The following CYP3A5 variants were observed in gnomAD, a reference collection of about 807,000 sequenced individuals.
The protein encoded by CYP3A5 is cytochrome P450 family 3 subfamily A member 5, also known as cytochrome P450 3A5.
A neutral mutation model predicts 55.9 loss-of-function variants in CYP3A5; 51 were observed. The observed-to-expected ratio is 0.91, with a 90% CI of 0.73 to 1.15. The LOEUF (loss-of-function observed/expected upper bound fraction) is 1.15. Ranked by LOEUF, CYP3A5 falls within the 50% of genes most tolerant of loss-of-function variation. The pLI is 0.00. For synonymous variants in CYP3A5, 196 were observed against 213.9 expected, an observed-to-expected ratio of 0.92 and a Z score of 0.73; for missense variants, 533 against 596.6, an observed-to-expected ratio of 0.89 and a Z score of 1.11.
At chr7:99,676,073 T>C in intron 2 of CYP3A5, 42 bp downstream of exon 2, 1 of 1,565,456 alleles carries the variant, frequency 6.4e-7, no homozygotes, top group Non-Finnish European at 8.8e-7. Context: ...AAGCTGATGT[T>C]TGCAACCATA....
chr7:99,678,222 C>T (rs540800669), intron 1 of CYP3A5, among the ~76,000 whole-genome samples: 3 of 152,190 alleles, frequency 2.0e-5, no homozygotes, highest in Non-Finnish European at 4.4e-5. Context: ...AGATGGTGCC[C>T]CTGTGTCCAG....
intron 8 of CYP3A5, chr7:99,663,125 C>A: frequency 8.1e-7 from 1 of 1,230,062 alleles, no homozygotes. Context: ...TTTGCCCTCC[C>A]TGTTTCTCAT....
Position 99,653,097 on chromosome 7 carries a change from C to T in CYP3A5, c.1027-318G>A, listed in dbSNP as rs1809349515. On this transcript the variant is annotated intron_variant, in intron 10 of 12. Coordinates refer to ENST00000222982, the MANE Select transcript of CYP3A5 (RefSeq NM_000777.5). This position sits in a 1 kb window ranked among gnomAD's most constrained non-coding sequence, Gnocchi z 4.2. Reference sequence around the variant, plus strand: ...TGATTAATGGGGCTATGACCATTACCACCAAATAAAATACACCAAAGTCAC... The same window carrying T: ...TGATTAATGGGGCTATGACCATTACTACCAAATAAAATACACCAAAGTCAC... Among the ~76,000 whole-genome samples, 3 of 152,222 alleles carry T rather than the reference C, an allele frequency of 2.0e-5. No homozygotes were observed. In the South Asian group the frequency reaches 6.2e-4, roughly 32 times the overall value.
At chr7:99,675,550 C>T (rs1812132445) in intron 2 of CYP3A5, among the ~76,000 whole-genome samples, 1 of 151,036 alleles carries the variant, frequency 6.6e-6, no homozygotes, top group Non-Finnish European at 1.5e-5. Flanking sequence ...GTGACTTTCC[C>T]TCCAGGGGTA....
chr7:99,665,874 C>T lies in CYP3A5; in HGVS notation c.522-560G>A, dbSNP rs41301679. On this transcript the variant is annotated intron_variant, in intron 6 of 12. Transcript: ENST00000222982. ...CCCCAGCTCCTCTGACCTGAAGTTGCGCTGAGAGCAGAGTCATTTTTGTAA... is the reference window on the plus strand; with the variant it reads ...CCCCAGCTCCTCTGACCTGAAGTTGTGCTGAGAGCAGAGTCATTTTTGTAA... Among the ~76,000 whole-genome samples the T allele has an allele frequency of 4.1e-3, 617 of 152,276 alleles. 2 individuals carry two copies. The highest frequency in any genetic ancestry group is 0.014 in the African/African-American group (588 of 41,552).
At chr7:99,663,893 C>G in intron 8 of CYP3A5, 75 bp downstream of exon 8, 1 of 1,485,694 alleles carries the variant, frequency 6.7e-7, no homozygotes, top group East Asian at 2.5e-5. Flanking sequence ...AATACAGATA[C>G]ATGCTCTATC....
Position 99,662,932 on chromosome 7 carries a change from A to G in CYP3A5, c.799-50T>C, listed in dbSNP as rs771024087. 6.2e-7 allele frequency: 1 copy of G among 1,609,646 alleles called. No individual in the cohort carries two copies. Among genetic ancestry groups the G allele is most frequent in the East Asian group, 2.2e-5 (1 of 44,714 alleles). ...TTGGCAGAAAGTGACTCGTGAAGTC[A>G]GAAGTAAATCAAAAGTGCAGTCCTC... On this transcript the variant is annotated intron_variant, in intron 8 of 12. Coordinates refer to ENST00000222982, the MANE Select transcript of CYP3A5 (RefSeq NM_000777.5). The surrounding 1 kb of genome is among the most constrained non-coding windows in gnomAD (Gnocchi z 4.3).
chr7:99,676,892 G>A (rs1240182070), intron 1 of CYP3A5, among the ~76,000 whole-genome samples: 2 of 152,152 alleles, frequency 1.3e-5, no homozygotes, highest in Non-Finnish European at 2.9e-5. Context: ...CTCAGTCTCT[G>A]TGGTCAGATG....
At chr7:99,673,239 G>A (rs1811859847) in intron 3 of CYP3A5, among the ~76,000 whole-genome samples, 1 of 152,192 alleles carries the variant, frequency 6.6e-6, no homozygotes, top group Non-Finnish European at 1.5e-5. Context: ...CAGCGCTGTG[G>A]ATTCTGAGGA....
At chr7:99,669,788 A>G (rs572015500) in intron 4 of CYP3A5, among the ~76,000 whole-genome samples, 5 of 152,220 alleles carry the variant, frequency 3.3e-5, no homozygotes, top group African/African-American at 1.2e-4. Context: ...TATATGAAGC[A>G]GTGAAAAATA....
At chr7:99,657,989 G>A (rs185104007) in intron 10 of CYP3A5, among the ~76,000 whole-genome samples, 24 of 152,288 alleles carry the variant, frequency 1.6e-4, no homozygotes, top group African/African-American at 5.8e-4. Flanking sequence ...TTGCACGTGA[G>A]ATGGGTTTCC....
intron 4 of CYP3A5, among the ~76,000 whole-genome samples, chr7:99,672,199 A>G (rs1303336598): frequency 6.6e-6 from 1 of 152,030 alleles, no homozygotes; most frequent in East Asian, 1.9e-4. Flanking sequence ...CTACAGGCGC[A>G]TGCCACCACA....
intron 7 of CYP3A5, among the ~76,000 whole-genome samples, chr7:99,664,308 T>C (rs1396542943): frequency 1.3e-5 from 2 of 152,230 alleles, no homozygotes; most frequent in Non-Finnish European, 2.9e-5. Flanking sequence ...GTGAGATCAA[T>C]GGCACCTTCT....
chr7:99,674,362 G>A, intron 3 of CYP3A5, 171 bp downstream of exon 3: 1 of 497,744 alleles, frequency 2.0e-6, no homozygotes, highest in Non-Finnish European at 3.6e-6. Flanking sequence ...GATTCCCATT[G>A]CAATATTCTA....
rs1333558189 is a variant in CYP3A5, at chr7:99,660,593, C to T, written c.932G>A (p.Ser311Asn). The T allele has an allele frequency of 6.2e-7, 1 of 1,613,992 alleles. No homozygotes were observed. The highest frequency in any genetic ancestry group is 8.5e-7 in the Non-Finnish European group (1 of 1,179,972). The change falls in exon 10 of 13, where the codon AGC becomes AAC. Residue 311 changes from serine to asparagine, a missense_variant. Transcript: ENST00000222982. ...ATATAAAGTGAAGGAAAGAACACTG[C>T]TGGTGGTTTCATAGCCAGCAAAAAT... ...IFIFAGYETT[S>N]SVLSFTLYEL...
At chr7:99,656,017 A>G (rs1047757529) in intron 10 of CYP3A5, among the ~76,000 whole-genome samples, 3 of 152,226 alleles carry the variant, frequency 2.0e-5, no homozygotes, top group Non-Finnish European at 2.9e-5. Flanking sequence ...CAATCATGTC[A>G]TCTGCAAACA....
rs775816439 is a variant in CYP3A5 at position 99,660,533 on chromosome 7, A to G, written c.992T>C (p.Leu331Pro). Residue 331 changes from leucine (L) to proline (P), a missense_variant, in exon 10 of 13, where the codon CTG becomes CCG. Physicochemically the swap from Leu to Pro is moderately conservative, Grantham distance 98 (BLOSUM62 -3). Transcript: ENST00000222982. ...CAAAACTGCATCAATCTCCTTTTGCAGTTTCTGCTGGACATCAGGGTGAGT... is the reference window on the plus strand; with the variant it reads ...CAAAACTGCATCAATCTCCTTTTGCGGTTTCTGCTGGACATCAGGGTGAGT... ...LATHPDVQQK[L>P]QKEIDAVLPN... 6.2e-7 allele frequency: 1 copy of G among 1,613,394 alleles called. No homozygotes were observed. The highest frequency in any genetic ancestry group is 2.2e-5 in the East Asian group (1 of 44,862).
At chr7:99,679,445 C>T (rs41300716) in intron 1 of CYP3A5, among the ~76,000 whole-genome samples, 4,577 of 152,246 alleles carry the variant, frequency 0.03, 238 homozygotes, top group African/African-American at 0.1. Flanking sequence ...CCACTCCTTC[C>T]TGTACCCAGA....
chr7:99,650,369 T>C (rs1809053256), intron 11 of CYP3A5, 137 bp from the exon 12 acceptor site: 3 of 757,544 alleles, frequency 4.0e-6, no homozygotes, highest in Non-Finnish European at 6.5e-6. Flanking sequence ...GGGCTGGTCA[T>C]TGAAATCCTG....
Sources: allele counts gnomAD v4.1 joint callset (sites outside exome capture counted in the v4.1 genomes callset), GRCh38; gene constraint gnomAD v4.1.1; non-coding constraint Gnocchi (gnomAD v3.1); transcripts MANE v1.5; gene names NCBI Gene and HGNC (gene_info 2026-07-23, HGNC 2026-07-21).